Variants in CFAP47 observed in about 807,000 individuals in gnomAD.
CFAP47 encodes the protein cilia and flagella associated protein 47.
A neutral mutation model predicts 148.1 loss-of-function variants in CFAP47; 29 were observed. The observed-to-expected ratio is 0.20, with a 90% CI of 0.15 to 0.27. The LOEUF is 0.27. Among genes scored for constraint, CFAP47 ranks in the 10% least tolerant of loss-of-function variants. CFAP47 has a pLI of 1.00. For synonymous variants in CFAP47, 664 were observed against 577.3 expected, an observed-to-expected ratio of 1.15 and a Z score of -2.15; for missense variants, 1,872 against 1,697.5, an observed-to-expected ratio of 1.10 and a Z score of -1.81.
At chrX:36,083,938 CT>C (rs959957538) in intron 29 of CFAP47, among the ~76,000 whole-genome samples, 7 of 110,093 alleles carry the variant, frequency 6.4e-5, no homozygotes, top group Admixed American at 2.9e-4. Flanking sequence ...CATCATTGTT[CT>C]TTTTTTTGCA....
In CFAP47 at chrX:35,967,621, A is replaced by G; in HGVS notation, c.1603A>G (p.Ile535Val). 1 of 1,199,278 alleles carries G rather than the reference A, an allele frequency of 8.3e-7. No homozygotes were observed. The highest frequency in any genetic ancestry group is 1.1e-6 in the Non-Finnish European group (1 of 885,043). Residue 535 changes from isoleucine to valine, a missense_variant and splice_region_variant, in exon 10 of 64, where the codon ATA becomes GTA. Ile to Val is a conservative substitution (Grantham distance 29). Coordinates refer to ENST00000378653, the MANE Select transcript of CFAP47 (RefSeq NM_001304548.2). ...KKVVMKFDPG[I>V]LPSIRNPTGK... ...ACTTATATTCAATTCTATAAAAGGT[A>G]TATTGCCTTCGATCCGTAATCCCAC... is the stretch of plus-strand genomic sequence containing the variant.
At position 36,073,833 on chromosome X, in the gene CFAP47, T is replaced by G. The variant is rs73469002; in HGVS notation, c.4691+469T>G. Among the ~76,000 whole-genome samples the G allele has an allele frequency of 9.5e-3, 1,069 of 112,133 alleles. 8 individuals are homozygous for G. The highest frequency in any genetic ancestry group is 0.033 in the African/African-American group (1,007 of 30,871). On this transcript the variant is annotated intron_variant, in intron 29 of 63. Transcript: ENST00000378653. ...GTTTTGTTACTCAGTATGTCTAAAA[T>G]AGTTCAACTGTTTTGATTATATCAA...
intron 2 of CFAP47, among the ~76,000 whole-genome samples, chrX:35,930,324 G>C (rs1339065021): frequency 9.1e-6 from 1 of 110,465 alleles, no homozygotes; most frequent in Non-Finnish European, 1.9e-5. Flanking sequence ...ATATATCCTG[G>C]AATTTGATTT....
chrX:36,218,183 A>G (rs782347846), intron 45 of CFAP47, among the ~76,000 whole-genome samples: 1 of 112,802 alleles, frequency 8.9e-6, no homozygotes, highest in East Asian at 2.8e-4. Flanking sequence ...TATGGTATTC[A>G]GAAATGAAAA....
chrX:36,047,945 G>T (rs938985443), intron 26 of CFAP47, among the ~76,000 whole-genome samples: 1 of 112,076 alleles, frequency 8.9e-6, no homozygotes, highest in Non-Finnish European at 1.9e-5. Flanking sequence ...AGCAACAAAA[G>T]ACTTTTCTGT....
chrX:36,310,911 A>T lies in CFAP47; in HGVS notation c.8266A>T (p.Ile2756Phe), dbSNP rs1048428807. The T allele has an allele frequency of 8.8e-7, 1 of 1,141,438 alleles. No individual in the cohort carries two copies. Among genetic ancestry groups the T allele is most frequent in the East Asian group, 3.3e-5 (1 of 30,432 alleles). The allele number at this position is 1,141,438 out of a possible 1,213,427, so 94.1% of individuals were successfully genotyped here. A position where few individuals can be genotyped will look rare whatever the true frequency, so the allele number is the denominator to read the frequency against. The change falls in exon 56 of 64, where the codon ATT becomes TTT. Residue 2756 changes from isoleucine to phenylalanine, a missense_variant. Coordinates refer to ENST00000378653, the MANE Select transcript of CFAP47 (RefSeq NM_001304548.2). ...AGACACGGAAAGAATAACCACACGC[A>T]TTGGTCTTCAGTCAACTATTGTTAT... Reference protein sequence around the residue: ...PLDTERITTRIGLQSTIVIPF... With the variant: ...PLDTERITTRFGLQSTIVIPF...
intron 51 of CFAP47, among the ~76,000 whole-genome samples, chrX:36,297,286 C>T (rs916983357): frequency 8.9e-6 from 1 of 111,745 alleles, no homozygotes; most frequent in African/African-American, 3.3e-5. Context: ...CTGAAACAGC[C>T]ATAGACAAAG....
Position 36,252,265 on chromosome X carries a change from A to G in CFAP47, c.7444+821A>G, listed in dbSNP as rs1165458165. 3.7e-5 allele frequency among the ~76,000 whole-genome samples: 4 copies of G among 109,075 alleles called. No homozygotes were observed. In the East Asian group the frequency reaches 8.6e-4, roughly 24 times the overall value. 94.7% of individuals were successfully genotyped at this position (109,075 alleles called of 115,157 possible). On this transcript the variant is annotated intron_variant, in intron 49 of 63. Coordinates refer to ENST00000378653, the MANE Select transcript of CFAP47 (RefSeq NM_001304548.2). ...GCCTCACATCCCTGCTTACCTCAAC[A>G]AAGTGTTTGAGGGAAGGGTTTATAT...
Position 36,319,228 on chromosome X carries a change from T to C in CFAP47, c.8364T>C (p.Asn2788=), listed in dbSNP as rs1556011623. 9.0e-6 allele frequency: 10 copies of C among 1,115,317 alleles called. No individual in the cohort carries two copies. In the South Asian group the frequency reaches 1.9e-4, roughly 21 times the overall value. 91.9% of individuals were successfully genotyped at this position (1,115,317 alleles called of 1,213,427 possible). The part of the protein sequence containing the change: ...IILTSVEHPR[N]LVMDHCWDSF... Reference sequence around the variant, plus strand: ...AATTAGGTGTGGAACATCCCAGGAATCTTGTCATGGATCATTGCTGGGATA... The same window carrying C: ...AATTAGGTGTGGAACATCCCAGGAACCTTGTCATGGATCATTGCTGGGATA... The change falls in exon 57 of 64, where the codon AAT becomes AAC. Residue 2788 remains asparagine (N), a synonymous_variant. Coordinates refer to ENST00000378653, the MANE Select transcript of CFAP47 (RefSeq NM_001304548.2).
chrX:35,928,771 A>G (rs1390270120), intron 2 of CFAP47, among the ~76,000 whole-genome samples: 1 of 111,255 alleles, frequency 9.0e-6, no homozygotes, highest in East Asian at 2.8e-4. Flanking sequence ...ATTTTCTTCT[A>G]TTTTTAACTT....
In CFAP47 at chrX:36,073,586, C is replaced by T. The variant is rs113909124; in HGVS notation, c.4691+222C>T. Among the ~76,000 whole-genome samples the T allele has an allele frequency of 9.8e-3, 1,088 of 110,595 alleles. 8 individuals carry two copies. The highest frequency in any genetic ancestry group is 0.033 in the African/African-American group (1,008 of 30,474). ...GTCATCTTTAATTTCTTTTAAATAT[C>T]TGATAATTTTAGGCAAGCACTGAAC... On this transcript the variant is annotated intron_variant, in intron 29 of 63. Coordinates refer to ENST00000378653, the MANE Select transcript of CFAP47 (RefSeq NM_001304548.2).
At chrX:36,030,321 A>G (rs1937266267) in intron 22 of CFAP47, among the ~76,000 whole-genome samples, 1 of 111,773 alleles carries the variant, frequency 8.9e-6, no homozygotes, top group Non-Finnish European at 1.9e-5. Flanking sequence ...ATGGTGAAGT[A>G]ATATGCCAGA....
At chrX:36,371,790 GTGTATATACACACA>G (rs781799719) in intron 62 of CFAP47, among the ~76,000 whole-genome samples, 4 of 52,154 alleles carry the variant, frequency 7.7e-5, no homozygotes, top group African/African-American at 6.6e-4. Flanking sequence ...GTATATATGT[GTGTATATACACACA>G]TGTATATATG....
Position 36,331,016 on chromosome X carries a change from G to A in CFAP47, c.8443+11709G>A, listed in dbSNP as rs151257092. Among the ~76,000 whole-genome samples, 1,038 of 110,946 alleles carry A rather than the reference G, an allele frequency of 9.4e-3. 17 individuals are homozygous for A. Among genetic ancestry groups the A allele is most frequent in the African/African-American group, 0.032 (964 of 30,557 alleles). On this transcript the variant is annotated intron_variant, in intron 57 of 63. Coordinates refer to ENST00000378653, the MANE Select transcript of CFAP47 (RefSeq NM_001304548.2). ...CCCATCGTCCAGTTACTTCTCTTACGAATCAAAATTCCTAGAAAGAGTTGT... is the reference window on the plus strand; with the variant it reads ...CCCATCGTCCAGTTACTTCTCTTACAAATCAAAATTCCTAGAAAGAGTTGT...
chrX:35,936,621 A>C (rs180821692), intron 2 of CFAP47, among the ~76,000 whole-genome samples: 26 of 110,423 alleles, frequency 2.4e-4, no homozygotes, highest in Admixed American at 2.3e-3. Context: ...TTATGTTAGG[A>C]GACTCTGGGT....
At chrX:36,061,071 G>A (rs948514095) in intron 26 of CFAP47, among the ~76,000 whole-genome samples, 1 of 111,011 alleles carries the variant, frequency 9.0e-6, no homozygotes, top group Non-Finnish European at 1.9e-5. Context: ...ATTGGATCAA[G>A]GGGGTAGATT....
chrX:35,966,373 T>A, intron 8 of CFAP47, among the ~76,000 whole-genome samples, 192 bp from the exon 9 acceptor site: 1 of 105,675 alleles, frequency 9.5e-6, no homozygotes, highest in African/African-American at 3.4e-5. Flanking sequence ...ATAATTTTTA[T>A]TAAAAAATTA....
At position 36,301,086 on chromosome X, in the gene CFAP47, C is replaced by T; in HGVS notation, c.7877C>T (p.Pro2626Leu). The change falls in exon 53 of 64, where the codon CCT becomes CTT. Residue 2626 changes from proline (P) to leucine (L), a missense_variant. Pro to Leu is a moderately conservative substitution (Grantham distance 98). Transcript: ENST00000378653. The part of the protein sequence containing the change: ...GYSDESIIFQ[P>L]EMAEEFWYLL... ...CTCTCCACCAGCATTATTTTTCAGC[C>T]TGAAATGGCTGAAGAGTTCTGGTAT... 1 of 1,141,835 alleles carries T rather than the reference C, an allele frequency of 8.8e-7. No homozygotes were observed. The allele number at this position is 1,141,835 out of a possible 1,213,427, so 94.1% of individuals were successfully genotyped here. A position where few individuals can be genotyped will look rare whatever the true frequency, so the allele number is the denominator to read the frequency against.
intron 15 of CFAP47, among the ~76,000 whole-genome samples, chrX:35,981,985 G>A (rs6632452): frequency 0.15 from 16,569 of 110,753 alleles, 1,248 homozygotes; most frequent in East Asian, 0.3. Flanking sequence ...AGACACATGC[G>A]TGTGTCATTA....
Sources: gnomAD v4.1 joint callset for allele counts (sites outside exome capture counted in the v4.1 genomes callset) on GRCh38, gnomAD v4.1.1 for gene constraint, MANE v1.5 for transcripts, NCBI Gene and HGNC (gene_info 2026-07-23, HGNC 2026-07-21) for gene names.